Variants in MBP observed in about 807,000 individuals in gnomAD.
The protein encoded by MBP is myelin basic protein.
A neutral mutation model predicts 35.8 loss-of-function variants in MBP; 16 were observed. The ratio of observed to expected loss-of-function variants is 0.45; its 90% CI spans 0.30 to 0.68. The LOEUF (loss-of-function observed/expected upper bound fraction) is 0.68, where lower values mean the gene tolerates loss of function less well. Among genes scored for constraint, MBP ranks in the 30% least tolerant of loss-of-function variants. The probability of loss-of-function intolerance (pLI) is 0.08; values close to 1 mark genes in which losing one functional copy is unlikely to be tolerated. For missense variants in MBP, 380 were observed against 404.7 expected (o/e 0.94, Z 0.52); for synonymous variants, 143 against 159.6 (o/e 0.90, Z 0.78).
intron 1 of MBP, among the ~76,000 whole-genome samples, chr18:77,110,988 G>A (rs1976430653): frequency 6.6e-6 from 1 of 151,994 alleles, no homozygotes; most frequent in African/African-American, 2.4e-5. Context: ...CAGGTGCTTT[G>A]GAGTCTTCGC....
Position 76,980,479 on chromosome 18 carries a change from G to T in MBP, c.871-8C>A. Reference sequence around the variant, plus strand: ...GCGACTATCTCTTCCTCCCTGAAAAGGAAGAGAGAGGAGTTAGGACGAGAG... The same window carrying T: ...GCGACTATCTCTTCCTCCCTGAAAATGAAGAGAGAGGAGTTAGGACGAGAG... On this transcript the variant is annotated splice_polypyrimidine_tract_variant and splice_region_variant and intron_variant, in intron 8 of 8. Coordinates refer to ENST00000355994, the MANE Select transcript of MBP (RefSeq NM_001025101.2). The T allele has an allele frequency of 6.2e-7, 1 of 1,613,244 alleles. No individual in the cohort carries two copies. The highest frequency in any genetic ancestry group is 2.2e-5 in the East Asian group (1 of 44,882).
At chr18:77,124,107 C>T (rs1976968780) in intron 1 of MBP, among the ~76,000 whole-genome samples, 1 of 152,140 alleles carries the variant, frequency 6.6e-6, no homozygotes, top group African/African-American at 2.4e-5. Flanking sequence ...CCAGATGCCC[C>T]AAAAGACGGG....
intron 1 of MBP, among the ~76,000 whole-genome samples, chr18:77,120,221 C>A (rs563551392): frequency 1.3e-5 from 2 of 152,248 alleles, no homozygotes; most frequent in African/African-American, 4.8e-5. Context: ...CACACGCTCC[C>A]GTAGGCTTCT....
intron 4 of MBP, chr18:77,010,156 G>A (rs572717680): frequency 2.3e-5 from 13 of 565,734 alleles, no homozygotes; most frequent in African/African-American, 1.5e-4. Context: ...GCAGGCATGC[G>A]CCCTGAAGGA....
intron 8 of MBP, 113 bp from the exon 9 acceptor site, chr18:76,980,584 C>A: frequency 1.3e-6 from 1 of 785,258 alleles, no homozygotes; most frequent in East Asian, 2.5e-5. Flanking sequence ...TCTCTCTCAT[C>A]TGCTAATAGA....
Position 77,044,852 on chromosome 18 carries a change from G to A in MBP, c.139+21446C>T, listed in dbSNP as rs1973164862. ...TTCTCTTAACAACAATTGTGAGGAT[G>A]ACTGTAAGGTTGTTGTCTGTTGTAT... On this transcript the variant is annotated intron_variant, in intron 3 of 8. Coordinates refer to ENST00000355994, the MANE Select transcript of MBP (RefSeq NM_001025101.2). This position sits in a 1 kb window ranked among gnomAD's most constrained non-coding sequence, Gnocchi z 4.4. 6.6e-6 allele frequency among the ~76,000 whole-genome samples: 1 copy of A among 151,972 alleles called. No individual in the cohort carries two copies. Among genetic ancestry groups the A allele is most frequent in the Non-Finnish European group, 1.5e-5 (1 of 68,020 alleles).
In MBP at chr18:77,085,684, T is replaced by TTTG. The variant is rs1491556981; in HGVS notation, c.52-19300_52-19299insCAA. ...TTAATGTGAGCATCAGTGCAATAAG[T>TTTG]TTTTTTTTTTTTTTTTTTGAGACAG... On this transcript the variant is annotated intron_variant, in intron 2 of 8. Transcript: ENST00000355994. Among the ~76,000 whole-genome samples the TTTG allele has an allele frequency of 1.7e-4, 4 of 22,968 alleles. No individual in the cohort carries two copies. In the Admixed American group the frequency reaches 1.7e-3, roughly 10 times the overall value. 15.1% of individuals were successfully genotyped at this position (22,968 alleles called of 152,430 possible).
intron 3 of MBP, among the ~76,000 whole-genome samples, chr18:77,052,879 T>G (rs1973556969): frequency 6.6e-6 from 1 of 152,058 alleles, no homozygotes; most frequent in Non-Finnish European, 1.5e-5. Flanking sequence ...CCGGGTGGAC[T>G]TCAGGGGCGC....
chr18:77,002,771 C>T (rs1599523970), intron 4 of MBP: 1 of 152,190 alleles, frequency 6.6e-6, no homozygotes, highest in African/African-American at 2.4e-5. Flanking sequence ...CTCACGTTAC[C>T]CACCTGAAAG....
chr18:77,014,746 C>A, intron 4 of MBP: 1 of 985,370 alleles, frequency 1.0e-6, no homozygotes, highest in Non-Finnish European at 1.2e-6. Flanking sequence ...ATCCCCACTG[C>A]GTGCGCTCCC....
In MBP at chr18:77,101,115, C is replaced by A. The variant is rs1223377308; in HGVS notation, c.51+4096G>T. On this transcript the variant is annotated intron_variant, in intron 2 of 8. Coordinates refer to ENST00000355994, the MANE Select transcript of MBP (RefSeq NM_001025101.2). This position sits in a 1 kb window ranked among gnomAD's most constrained non-coding sequence, Gnocchi z 4.3. ...CCAGTGAAGCCAAGTGTCTTACGTC[C>A]TAAGGACCAAGGACTGCCAGGCAGG... Among the ~76,000 whole-genome samples the A allele has an allele frequency of 6.6e-6, 1 of 152,222 alleles. No homozygotes were observed. The highest frequency in any genetic ancestry group is 1.5e-5 in the Non-Finnish European group (1 of 68,034).
At chr18:77,117,321 C>T (rs1156672524) in intron 1 of MBP, among the ~76,000 whole-genome samples, 1 of 152,224 alleles carries the variant, frequency 6.6e-6, no homozygotes, top group East Asian at 1.9e-4. Context: ...AAGACTGCCA[C>T]TGAGCTTGCA....
At position 77,066,402 on chromosome 18, in the gene MBP, C is replaced by A; in HGVS notation, c.52-17G>T. 7.0e-7 allele frequency: 1 copy of A among 1,436,238 alleles called. No individual in the cohort carries two copies. Among genetic ancestry groups the A allele is most frequent in the East Asian group, 2.3e-5 (1 of 44,082 alleles). 89.0% of individuals were successfully genotyped at this position (1,436,238 alleles called of 1,614,324 possible). On this transcript the variant is annotated splice_polypyrimidine_tract_variant and intron_variant, in intron 2 of 8. Coordinates refer to ENST00000355994, the MANE Select transcript of MBP (RefSeq NM_001025101.2). Reference sequence around the variant, plus strand: ...TTCACTATTCTGGAAAAAGAAAACACAACAAACCCTTTTCTTAAGATAAAT... The same window carrying A: ...TTCACTATTCTGGAAAAAGAAAACAAAACAAACCCTTTTCTTAAGATAAAT...
At chr18:77,075,448 C>A (rs150991336) in intron 2 of MBP, among the ~76,000 whole-genome samples, 2 of 152,208 alleles carry the variant, frequency 1.3e-5, no homozygotes, top group African/African-American at 4.8e-5. Flanking sequence ...CACGTCCAGA[C>A]GGCAGCGAGA....
upstream of MBP, among the ~76,000 whole-genome samples, chr18:77,133,104 G>T (rs1977341238): frequency 6.6e-6 from 1 of 151,964 alleles, no homozygotes; most frequent in Non-Finnish European, 1.5e-5. Context: ...CCCCGACCCC[G>T]ACCTCGACCT....
rs1293714247 is a variant in MBP, at chr18:76,988,479, T to G, written c.750+16A>C. 3 of 1,613,974 alleles carry G rather than the reference T, an allele frequency of 1.9e-6. No individual in the cohort carries two copies. Among genetic ancestry groups the G allele is most frequent in the Non-Finnish European group, 2.5e-6 (3 of 1,180,016 alleles). On this transcript the variant is annotated intron_variant, in intron 7 of 8. Transcript: ENST00000355994. The surrounding 1 kb of genome is among the most constrained non-coding windows in gnomAD (Gnocchi z 5.2). Reference sequence around the variant, plus strand: ...GGACGGAAGAGGAAGCCGATGGAAGTGCGTTCGTCACCTACCCAGCTAAAT... The same window carrying G: ...GGACGGAAGAGGAAGCCGATGGAAGGGCGTTCGTCACCTACCCAGCTAAAT...
At chr18:77,010,733 G>A (rs1971298451) in intron 4 of MBP, among the ~76,000 whole-genome samples, 1 of 152,194 alleles carries the variant, frequency 6.6e-6, no homozygotes, top group Non-Finnish European at 1.5e-5. Context: ...AGTAGCATTA[G>A]CTCCTAACTT....
chr18:77,039,002 T>A (rs1972881371), intron 3 of MBP, among the ~76,000 whole-genome samples: 1 of 152,220 alleles, frequency 6.6e-6, no homozygotes, highest in Non-Finnish European at 1.5e-5. Flanking sequence ...GTGAGAATAT[T>A]TTTTTACCTT....
rs1045967299 is a variant in MBP, at chr18:76,978,908, C to T, written c.*1519G>A. On this transcript the variant is annotated 3_prime_UTR_variant, in exon 9 of 9. Transcript: ENST00000355994. ...TTTCCGTTCAGCCATCGTCACAGCA[C>T]GTGCTGTGTGGGTGCGGCCACGTAT... is the stretch of plus-strand genomic sequence containing the variant. 4 of 152,230 alleles carry T rather than the reference C, an allele frequency of 2.6e-5. No individual in the cohort carries two copies. The highest frequency in any genetic ancestry group is 4.4e-5 in the Non-Finnish European group (3 of 68,050). 9.4% of individuals were successfully genotyped at this position (152,230 alleles called of 1,614,324 possible).
Sources: allele counts gnomAD v4.1 joint callset (sites outside exome capture counted in the v4.1 genomes callset), GRCh38; gene constraint gnomAD v4.1.1; non-coding constraint Gnocchi (gnomAD v3.1); transcripts MANE v1.5; gene names NCBI Gene and HGNC (gene_info 2026-07-23, HGNC 2026-07-21).